Variants in VRK3 observed in about 807,000 individuals in gnomAD.
VRK3 encodes VRK serine/threonine kinase 3, also known as serine/threonine-protein kinase VRK3.
In VRK3, 50 loss-of-function variants were observed where a neutral mutation model predicts 60.4. The observed-to-expected ratio is 0.83, with a 90% CI of 0.66 to 1.05. VRK3 has a LOEUF of 1.05. VRK3 is among the 50% of genes least tolerant of loss of function. The pLI is 0.00. For missense variants in VRK3, 549 were observed against 585.3 expected (o/e 0.94, Z 0.64); for synonymous variants, 246 against 227.8 (o/e 1.08, Z -0.72).
In VRK3 at chr19:49,976,795, A is replaced by G. The variant is rs1420560441; in HGVS notation, c.*12-11T>C. 6.6e-6 allele frequency: 1 copy of G among 152,256 alleles called. No individual in the cohort carries two copies. The highest frequency in any genetic ancestry group is 1.9e-4 in the East Asian group (1 of 5,200). The allele number at this position is 152,256 out of a possible 1,614,324, so 9.4% of individuals were successfully genotyped here. Reference sequence around the variant, plus strand: ...TGCAAATGGAAAGTTCTGGAAGACAATAAAAATGCTGTTAGTGTCTCATTC... The same window carrying G: ...TGCAAATGGAAAGTTCTGGAAGACAGTAAAAATGCTGTTAGTGTCTCATTC... On this transcript the variant is annotated splice_polypyrimidine_tract_variant and intron_variant, in intron 14 of 14. Coordinates refer to ENST00000316763, the MANE Select transcript of VRK3 (RefSeq NM_016440.4).
intron 3 of VRK3, among the ~76,000 whole-genome samples, chr19:50,010,434 T>C (rs2076975531): frequency 6.6e-6 from 1 of 152,198 alleles, no homozygotes; most frequent in Non-Finnish European, 1.5e-5. Flanking sequence ...TGTTGACCTG[T>C]GGTAATTCCC....
At chr19:50,012,199 C>T (rs10405404) in intron 3 of VRK3, among the ~76,000 whole-genome samples, 7,979 of 152,044 alleles carry the variant, frequency 0.052, 691 homozygotes, top group African/African-American at 0.18. Flanking sequence ...TCAAAACTCC[C>T]GACCTCAGGT....
chr19:49,978,479 C>T (rs1170716477), intron 14 of VRK3: 5 of 152,936 alleles, frequency 3.3e-5, no homozygotes, highest in African/African-American at 7.2e-5. Flanking sequence ...TTGATACCTC[C>T]ATCCACAGAC....
chr19:49,998,553 T>C (rs1317338616), intron 6 of VRK3: 1 of 149,830 alleles, frequency 6.7e-6, no homozygotes, highest in African/African-American at 2.5e-5. Flanking sequence ...GAGTATAGAG[T>C]CAAACAGATC....
intron 12 of VRK3, chr19:49,981,871 T>C (rs1238667499): frequency 3.4e-6 from 4 of 1,185,794 alleles, no homozygotes; most frequent in East Asian, 3.5e-5. Flanking sequence ...TCCAAACATT[T>C]TGAGGAGATT....
chr19:49,979,300 T>C lies in VRK3; in HGVS notation c.1277-58A>G, dbSNP rs2076383689. ...CCTGAGAGGCATCCCCCAACCCCGA[T>C]CCTGGGGGTCTCCACCCAAGGATGG... On this transcript the variant is annotated intron_variant, in intron 13 of 14. Transcript: ENST00000316763. The C allele has an allele frequency of 5.0e-6, 8 of 1,609,542 alleles. No homozygotes were observed. The Admixed American group carries it at 1.2e-4, about 24-fold the overall frequency.
In VRK3 at chr19:49,984,131, C is replaced by T. The variant is rs188347717; in HGVS notation, c.1218-3118G>A. On this transcript the variant is annotated intron_variant, in intron 12 of 14. Coordinates refer to ENST00000316763, the MANE Select transcript of VRK3 (RefSeq NM_016440.4). Reference sequence around the variant, plus strand: ...GGGGGATGTGAAAAGCATGATAAGACCGCTCTTAGGAGTTAGGAAGTGAAG... The same window carrying T: ...GGGGGATGTGAAAAGCATGATAAGATCGCTCTTAGGAGTTAGGAAGTGAAG... Among the ~76,000 whole-genome samples, 26 of 152,252 alleles carry T rather than the reference C, an allele frequency of 1.7e-4. No homozygotes were observed. In the South Asian group the frequency reaches 2.9e-3, roughly 17 times the overall value.
chr19:50,007,975 GTGA>G, intron 4 of VRK3, 149 bp from the exon 5 acceptor site: 1 of 1,233,836 alleles, frequency 8.1e-7, no homozygotes, highest in Non-Finnish European at 1.1e-6. Context: ...AGGCCTTTGT[GTGA>G]TGATGTTGGG....
At chr19:50,019,539 C>T (rs2077133297) in intron 2 of VRK3, among the ~76,000 whole-genome samples, 1 of 150,424 alleles carries the variant, frequency 6.6e-6, no homozygotes, top group Non-Finnish European at 1.5e-5. Flanking sequence ...CAACAGGGTC[C>T]CACCCTGTCA....
chr19:50,019,366 C>CCTTTT (rs1555854630), intron 2 of VRK3: 4 of 148,714 alleles, frequency 2.7e-5, no homozygotes, highest in East Asian at 2.1e-4. Flanking sequence ...CCATGCCTGG[C>CCTTTT]TAATTAAAAA....
At chr19:50,007,982 T>A (rs2122440563) in intron 4 of VRK3, among the ~76,000 whole-genome samples, 156 bp from the exon 5 acceptor site, 1 of 152,280 alleles carries the variant, frequency 6.6e-6, no homozygotes, top group Admixed American at 6.5e-5. Context: ...TGTGTGATGA[T>A]GTTGGGGCAC....
At chr19:49,994,713 G>T in intron 9 of VRK3, 101 bp downstream of exon 9, 2 of 1,042,736 alleles carry the variant, frequency 1.9e-6, no homozygotes, top group Non-Finnish European at 1.4e-6. Context: ...GTGCAGCGGA[G>T]GGGGGTGGGG....
intron 10 of VRK3, among the ~76,000 whole-genome samples, chr19:49,992,361 G>C (rs2076626634): frequency 6.6e-6 from 1 of 152,184 alleles, no homozygotes; most frequent in South Asian, 2.1e-4. Flanking sequence ...CCGAGATCGT[G>C]CCATTGCACT....
intron 3 of VRK3, among the ~76,000 whole-genome samples, chr19:50,012,883 A>AC (rs2077017762): frequency 6.7e-6 from 1 of 150,282 alleles, no homozygotes; most frequent in South Asian, 2.1e-4. Flanking sequence ...TTAAAAAAAC[A>AC]AAGGCCGGGC....
chr19:49,995,915 A>AT (rs963663700), intron 7 of VRK3, among the ~76,000 whole-genome samples: 16 of 151,002 alleles, frequency 1.1e-4, no homozygotes, highest in South Asian at 2.1e-4. Context: ...GGCCCAGCTA[A>AT]TTTTTTTTTA....
chr19:49,997,474 C>G, intron 7 of VRK3, 30 bp downstream of exon 7: 3 of 1,611,750 alleles, frequency 1.9e-6, no homozygotes. Context: ...CCCTCACTCT[C>G]CCCTCCTTGC....
At chr19:49,979,879 T>TAA (rs572405271) in intron 13 of VRK3, among the ~76,000 whole-genome samples, 17 of 141,950 alleles carry the variant, frequency 1.2e-4, no homozygotes, top group East Asian at 6.1e-4. Context: ...CCATCTCTAC[T>TAA]AAAAAAAAAA....
At chr19:50,019,203 A>C (rs2077126351) in intron 2 of VRK3, 1 of 148,548 alleles carries the variant, frequency 6.7e-6, no homozygotes, top group Non-Finnish European at 1.5e-5. Flanking sequence ...AAAATTAAAC[A>C]AAAATTTTTT....
At chr19:50,023,502 G>A (rs1255706493) in intron 1 of VRK3, among the ~76,000 whole-genome samples, 3 of 152,168 alleles carry the variant, frequency 2.0e-5, no homozygotes, top group Non-Finnish European at 4.4e-5. Flanking sequence ...TTTACTAATA[G>A]CATGTTTTAT....
Sources: gnomAD v4.1 joint callset for allele counts (sites outside exome capture counted in the v4.1 genomes callset) on GRCh38, gnomAD v4.1.1 for gene constraint, MANE v1.5 for transcripts, NCBI Gene and HGNC (gene_info 2026-07-23, HGNC 2026-07-21) for gene names.